Variants in C5orf24 observed in about 807,000 individuals in gnomAD.
C5orf24 encodes the protein chromosome 5 open reading frame 24.
Under a neutral mutation model 9.8 loss-of-function variants are expected in C5orf24, and 4 were observed. The ratio of observed to expected loss-of-function variants is 0.41; its 90% confidence interval spans 0.20 to 0.93. The LOEUF is 0.93. C5orf24 is among the 40% of genes least tolerant of loss of function. The probability of loss-of-function intolerance (pLI) is 0.33; values close to 1 mark genes in which losing one functional copy is unlikely to be tolerated. For missense variants in C5orf24, 170 were observed against 236.9 expected (o/e 0.72, Z 1.85); for synonymous variants, 73 against 81.3 (o/e 0.90, Z 0.55).
upstream of C5orf24, among the ~76,000 whole-genome samples, chr5:134,842,057 G>A (rs1164315437): frequency 2.0e-5 from 3 of 152,114 alleles, no homozygotes; most frequent in East Asian, 5.8e-4. Context: ...TATAAGAGGA[G>A]CTGCCTAGAG....
At chr5:134,853,972 C>A (rs1756239253) in intron 1 of C5orf24, among the ~76,000 whole-genome samples, 1 of 152,182 alleles carries the variant, frequency 6.6e-6, no homozygotes, top group South Asian at 2.1e-4. Flanking sequence ...CCCAGCTATT[C>A]AGGAGGCTGA....
At chr5:134,833,925 A>T in the C5orf24 span, among the ~76,000 whole-genome samples, 3 of 151,910 alleles carry the variant, frequency 2.0e-5, no homozygotes, top group Non-Finnish European at 4.4e-5. Context: ...GGAGTTCATG[A>T]TTTTTTTCAA....
At chr5:134,838,072 C>G in the C5orf24 span, among the ~76,000 whole-genome samples, 45 of 152,032 alleles carry the variant, frequency 3.0e-4, no homozygotes, top group Non-Finnish European at 4.4e-5. Flanking sequence ...TATAGGGAGA[C>G]CCCGTCTGTA....
Position 134,855,681 on chromosome 5 carries a change from G to T in C5orf24, c.*214G>T. 7.0e-7 allele frequency: 1 copy of T among 1,429,628 alleles called. No individual in the cohort carries two copies. Among genetic ancestry groups the T allele is most frequent in the Non-Finnish European group, 9.1e-7 (1 of 1,094,162 alleles). 88.6% of individuals were successfully genotyped at this position (1,429,628 alleles called of 1,614,324 possible). On this transcript the variant is annotated 3_prime_UTR_variant, in exon 2 of 2. Coordinates refer to ENST00000394976, the MANE Select transcript of C5orf24 (RefSeq NM_001135586.1). Reference sequence around the variant, plus strand: ...GCATTGTATTTGTACATAGGTTCAAGTGTAACACCTAACTAAATCATTTTT... The same window carrying T: ...GCATTGTATTTGTACATAGGTTCAATTGTAACACCTAACTAAATCATTTTT...
the C5orf24 span, among the ~76,000 whole-genome samples, chr5:134,836,003 A>C: frequency 1.3e-5 from 2 of 151,016 alleles, no homozygotes; most frequent in African/African-American, 4.9e-5. Flanking sequence ...TTCTTTCTTT[A>C]TTTTTTTAAG....
At position 134,855,637 on chromosome 5, in the gene C5orf24, A is replaced by C; in HGVS notation, c.*170A>C. 1 of 1,469,620 alleles carries C rather than the reference A, an allele frequency of 6.8e-7. No individual in the cohort carries two copies. Among genetic ancestry groups the C allele is most frequent in the African/African-American group, 1.4e-5 (1 of 70,030 alleles). 91.0% of individuals were successfully genotyped at this position (1,469,620 alleles called of 1,614,324 possible). On this transcript the variant is annotated 3_prime_UTR_variant, in exon 2 of 2. Coordinates refer to ENST00000394976, the MANE Select transcript of C5orf24 (RefSeq NM_001135586.1). ...AAAACTGCCATATGCTGACAGATGC[A>C]CTCAGGGCATGAGCAGCGGCATTGT...
At chr5:134,841,536 A>T (rs572550397), upstream of C5orf24, among the ~76,000 whole-genome samples, 135 of 152,204 alleles carry the variant, frequency 8.9e-4, no homozygotes, top group African/African-American at 3.2e-3. Flanking sequence ...GCAGGGAACC[A>T]ACATCTCGCC....
chr5:134,835,696 T>C, the C5orf24 span, among the ~76,000 whole-genome samples: 1 of 152,078 alleles, frequency 6.6e-6, no homozygotes. Context: ...TTTTTTCTTC[T>C]TTATTTTACT....
upstream of C5orf24, among the ~76,000 whole-genome samples, chr5:134,843,636 A>C (rs986308829): frequency 6.6e-6 from 1 of 152,158 alleles, no homozygotes; most frequent in Non-Finnish European, 1.5e-5. Flanking sequence ...AACTGACTGC[A>C]ACCTCCGCCT....
chr5:134,851,928 ATGATAAT>A (rs1458982007), intron 1 of C5orf24, among the ~76,000 whole-genome samples: 3 of 152,152 alleles, frequency 2.0e-5, no homozygotes, highest in South Asian at 2.1e-4. Context: ...AGCTAGTGAA[ATGATAAT>A]TAATAATCTA....
chr5:134,850,590 A>T, intron 1 of C5orf24, among the ~76,000 whole-genome samples: 1 of 151,218 alleles, frequency 6.6e-6, no homozygotes, highest in Non-Finnish European at 1.5e-5. Context: ...CTCCTGCCTC[A>T]GCCTCCCGAG....
At position 134,855,052 on chromosome 5, in the gene C5orf24, TG is replaced by T; in HGVS notation, c.154del (p.Val52PhefsTer8). 1 of 1,614,068 alleles carries T rather than the reference TG, an allele frequency of 6.2e-7. No homozygotes were observed. The highest frequency in any genetic ancestry group is 8.5e-7 in the Non-Finnish European group (1 of 1,180,024). On this transcript the variant is annotated frameshift_variant, in exon 2 of 2. Transcript: ENST00000394976. LOFTEE classifies it high-confidence loss of function. The part of the protein sequence containing the change: ...KYSHTVNHKP[M>X]VCQRQDPLNE... ...AGCCACACAGTCAACCACAAACCAA[TG>T]GTTTGTCAGAGGCAAGACCCATTAA... is the stretch of plus-strand genomic sequence containing the variant.
upstream of C5orf24, among the ~76,000 whole-genome samples, chr5:134,842,758 A>G (rs1302879517): frequency 6.6e-6 from 1 of 152,142 alleles, no homozygotes; most frequent in Non-Finnish European, 1.5e-5. Flanking sequence ...AAATATCTCC[A>G]GACTAAAGTG....
chr5:134,844,943 A>G (rs541820823), upstream of C5orf24, among the ~76,000 whole-genome samples: 5 of 152,134 alleles, frequency 3.3e-5, no homozygotes, highest in South Asian at 8.3e-4. Context: ...TCACCATGTT[A>G]GTCAGGCTTG....
At chr5:134,854,854 T>G in intron 1 of C5orf24, 44 bp from the exon 2 acceptor site, 1 of 1,574,416 alleles carries the variant, frequency 6.4e-7, no homozygotes, top group East Asian at 2.2e-5. Flanking sequence ...AGGTATGTAT[T>G]TGTGTGTGTG....
At position 134,859,571 on chromosome 5, in the gene C5orf24, C is replaced by T. The variant is rs1034552299; in HGVS notation, c.*4104C>T. On this transcript the variant is annotated 3_prime_UTR_variant, in exon 2 of 2. Coordinates refer to ENST00000394976, the MANE Select transcript of C5orf24 (RefSeq NM_001135586.1). ...AATTAACTGATAATAAGCACGCTGT[C>T]CTCTGCTGTAAAAAGTCTGAATAGA... 1.2e-5 allele frequency: 2 copies of T among 167,104 alleles called. No homozygotes were observed. Among genetic ancestry groups the T allele is most frequent in the East Asian group, 3.9e-4 (2 of 5,188 alleles). The allele number at this position is 167,104 out of a possible 1,614,324, so 10.4% of individuals were successfully genotyped here. A position where few individuals can be genotyped will look rare whatever the true frequency, so the allele number is the denominator to read the frequency against.
chr5:134,854,767 C>A, intron 1 of C5orf24, 131 bp from the exon 2 acceptor site: 1 of 890,608 alleles, frequency 1.1e-6, no homozygotes, highest in Non-Finnish European at 1.7e-6. Context: ...GGTCTGGAGT[C>A]CTGCCTGTTA....
chr5:134,840,261 T>G, the C5orf24 span, among the ~76,000 whole-genome samples: 1 of 136,412 alleles, frequency 7.3e-6, no homozygotes, highest in African/African-American at 2.9e-5. Flanking sequence ...GAGTCAAGAT[T>G]GCACCACCCC....
the C5orf24 span, among the ~76,000 whole-genome samples, chr5:134,836,852 T>C: frequency 6.6e-6 from 1 of 152,230 alleles, no homozygotes; most frequent in African/African-American, 2.4e-5. Context: ...TGTTAAGTTT[T>C]TTATAATATG....
Sources: gnomAD v4.1 joint callset for allele counts (sites outside exome capture counted in the v4.1 genomes callset) on GRCh38, gnomAD v4.1.1 for gene constraint, MANE v1.5 for transcripts, NCBI Gene and HGNC (gene_info 2026-07-23, HGNC 2026-07-21) for gene names.